ADARB2: variants seen among roughly 807,000 people sequenced by gnomAD.
ADARB2 encodes the protein adenosine deaminase RNA specific B2 (inactive).
A neutral mutation model predicts 62.2 loss-of-function variants in ADARB2; 25 were observed. The observed-to-expected ratio is 0.40, with a 90% CI of 0.29 to 0.56. ADARB2 has a LOEUF of 0.56. Ranked by LOEUF, ADARB2 falls within the 20% of genes least tolerant of loss-of-function variation. ADARB2 has a pLI of 0.43. For missense variants in ADARB2, 1,071 were observed against 1,077.4 expected, an observed-to-expected ratio of 0.99 and a Z score of 0.08; for synonymous variants, 572 against 500.8, an observed-to-expected ratio of 1.14 and a Z score of -1.90.
intron 1 of ADARB2, among the ~76,000 whole-genome samples, chr10:1,620,409 C>T (rs150213363): frequency 6.6e-5 from 10 of 152,136 alleles, no homozygotes; most frequent in South Asian, 2.1e-4. Context: ...ACTGGAAATG[C>T]GCAGATTTCC....
chr10:1,401,937 G>A (rs1264426017), intron 1 of ADARB2, among the ~76,000 whole-genome samples: 1 of 152,206 alleles, frequency 6.6e-6, no homozygotes, highest in Non-Finnish European at 1.5e-5. Context: ...CTTTATGGAA[G>A]GGCTTCCCGG....
intron 1 of ADARB2, among the ~76,000 whole-genome samples, chr10:1,384,235 C>G (rs1055457088): frequency 3.3e-5 from 5 of 152,216 alleles, no homozygotes; most frequent in Non-Finnish European, 2.9e-5. Flanking sequence ...AGAGCCAGTT[C>G]TCTACGCTTC....
At chr10:1,578,059 C>T (rs1408520712) in intron 1 of ADARB2, among the ~76,000 whole-genome samples, 2 of 152,198 alleles carry the variant, frequency 1.3e-5, no homozygotes, top group Admixed American at 6.5e-5. Flanking sequence ...TCAGTTGCTC[C>T]AGCCACCCCA....
chr10:1,524,712 G>T (rs11250583), intron 1 of ADARB2, among the ~76,000 whole-genome samples: 3,163 of 152,226 alleles, frequency 0.021, 105 homozygotes, highest in African/African-American at 0.069. Context: ...CCCGGGGGGA[G>T]GTGGTAGGCA....
chr10:1,420,621 A>G (rs1179655937), intron 1 of ADARB2, among the ~76,000 whole-genome samples: 1 of 151,528 alleles, frequency 6.6e-6, no homozygotes. Flanking sequence ...GGAAAAAAAA[A>G]AAAAAAAAAG....
intron 1 of ADARB2, among the ~76,000 whole-genome samples, chr10:1,672,461 C>G (rs1445835113): frequency 6.6e-6 from 1 of 152,190 alleles, no homozygotes; most frequent in Admixed American, 6.5e-5. Flanking sequence ...AAAACAAAAT[C>G]CCTCCGCCAG....
chr10:1,191,956 C>G (rs1180829754), intron 8 of ADARB2, among the ~76,000 whole-genome samples: 1 of 152,216 alleles, frequency 6.6e-6, no homozygotes, highest in Non-Finnish European at 1.5e-5. Context: ...CCGTGATCAG[C>G]ACAACCACTG....
At chr10:1,611,256 T>C (rs1415423594) in intron 1 of ADARB2, among the ~76,000 whole-genome samples, 1 of 152,184 alleles carries the variant, frequency 6.6e-6, no homozygotes, top group African/African-American at 2.4e-5. Context: ...ATCTTTCTTC[T>C]TCTCCTGGAC....
intron 1 of ADARB2, among the ~76,000 whole-genome samples, chr10:1,507,090 C>T (rs538773411): frequency 1.3e-5 from 2 of 152,336 alleles, no homozygotes; most frequent in East Asian, 1.9e-4. Context: ...CTGCCCAAGA[C>T]GGTGGCCGAG....
intron 1 of ADARB2, among the ~76,000 whole-genome samples, chr10:1,447,274 C>T (rs1012075466): frequency 2.6e-5 from 4 of 152,172 alleles, no homozygotes; most frequent in East Asian, 3.8e-4. Context: ...CTGAGATTAT[C>T]CTGGAAAAAT....
intron 1 of ADARB2, among the ~76,000 whole-genome samples, chr10:1,587,767 G>T (rs897814969): frequency 6.6e-6 from 1 of 152,148 alleles, no homozygotes; most frequent in Non-Finnish European, 1.5e-5. Flanking sequence ...TTGTGGGAGC[G>T]ACCTGGTGGG....
chr10:1,273,609 C>T (rs979909053), intron 3 of ADARB2, among the ~76,000 whole-genome samples: 5 of 152,224 alleles, frequency 3.3e-5, no homozygotes, highest in Non-Finnish European at 5.9e-5. Context: ...GTGCCCCCCA[C>T]GACCTTGCAC....
chr10:1,623,977 T>G (rs1265027361), intron 1 of ADARB2, among the ~76,000 whole-genome samples: 3 of 152,164 alleles, frequency 2.0e-5, no homozygotes. Flanking sequence ...CTCACACGTA[T>G]GATCTAGCGA....
chr10:1,249,616 GCACA>G (rs58472524), intron 4 of ADARB2, among the ~76,000 whole-genome samples: 8 of 147,336 alleles, frequency 5.4e-5, no homozygotes, highest in South Asian at 2.2e-4. Flanking sequence ...GTGATTTTAT[GCACA>G]CACACACACA....
chr10:1,183,954 A>G (rs1166567601), intron 9 of ADARB2, among the ~76,000 whole-genome samples: 1 of 152,196 alleles, frequency 6.6e-6, no homozygotes, highest in African/African-American at 2.4e-5. Flanking sequence ...CATGTGCAAG[A>G]GGAGAGGGCC....
At chr10:1,601,446 C>G (rs1407374308) in intron 1 of ADARB2, among the ~76,000 whole-genome samples, 1 of 152,198 alleles carries the variant, frequency 6.6e-6, no homozygotes, top group Non-Finnish European at 1.5e-5. Context: ...CTCAGCCTTG[C>G]CAAATGCATT....
At chr10:1,658,165 T>C (rs994548436) in intron 1 of ADARB2, among the ~76,000 whole-genome samples, 1 of 143,544 alleles carries the variant, frequency 7.0e-6, no homozygotes, top group African/African-American at 2.5e-5. Context: ...TCTCCCTGTC[T>C]CTCTCTGTGT....
In ADARB2 at chr10:1,589,167, C is replaced by T. The variant is rs145025690; in HGVS notation, c.100+147884G>A. On this transcript the variant is annotated intron_variant, in intron 1 of 9. Transcript: ENST00000381312. ...TCCTTCCTTTCACATCGGAAAGACC[C>T]TGGTTCTGAATTCTGCCACATTTGT... Among the ~76,000 whole-genome samples the T allele has an allele frequency of 1.3e-3, 203 of 152,356 alleles. 1 individual carries two copies. The highest frequency in any genetic ancestry group is 4.7e-3 in the African/African-American group (195 of 41,588).
chr10:1,586,279 C>A (rs934547945), intron 1 of ADARB2, among the ~76,000 whole-genome samples: 4 of 152,188 alleles, frequency 2.6e-5, no homozygotes, highest in African/African-American at 9.7e-5. Context: ...TGACCCCAGT[C>A]TTTGGCTTTC....
Sources: gnomAD v4.1 joint callset for allele counts (sites outside exome capture counted in the v4.1 genomes callset) on GRCh38, gnomAD v4.1.1 for gene constraint, MANE v1.5 for transcripts, NCBI Gene and HGNC (gene_info 2026-07-23, HGNC 2026-07-21) for gene names.